Variants in CTU2 observed in about 807,000 individuals in gnomAD.
CTU2 encodes the protein cytosolic thiouridylase subunit 2, also known as cytoplasmic tRNA 2-thiolation protein 2.
CTU2 carries 80 observed loss-of-function variants against 64.1 expected under a neutral mutation model. The observed-to-expected ratio is 1.25, with a 90% CI of 1.04 to 1.50. The LOEUF (loss-of-function observed/expected upper bound fraction) is 1.50. CTU2 is among the 40% of genes most tolerant of loss of function. The pLI is 0.00. For synonymous variants in CTU2, 482 were observed against 285.3 expected, an observed-to-expected ratio of 1.69 and a Z score of -6.95; for missense variants, 1,110 against 690.2, an observed-to-expected ratio of 1.61 and a Z score of -6.81.
chr16:88,712,491 G>T (rs745665286), intron 6 of CTU2, 108 bp downstream of exon 6: 118 of 1,444,676 alleles, frequency 8.2e-5, no homozygotes, highest in Non-Finnish European at 1.1e-4. Flanking sequence ...CGGGGCTGTC[G>T]GTGGGGGGTG....
chr16:88,713,626 C>T (rs757210910), intron 8 of CTU2, 21 bp from the exon 9 acceptor site: 5 of 1,608,540 alleles, frequency 3.1e-6, no homozygotes, highest in African/African-American at 2.7e-5. Context: ...ACCTGGACCA[C>T]ACAGCCCCTG....
chr16:88,715,376 T>C lies in CTU2; in HGVS notation c.*125T>C. 2 of 1,087,758 alleles carry C rather than the reference T, an allele frequency of 1.8e-6. No homozygotes were observed. Among genetic ancestry groups the C allele is most frequent in the Non-Finnish European group, 2.5e-6 (2 of 789,740 alleles). 67.4% of individuals were successfully genotyped at this position (1,087,758 alleles called of 1,614,324 possible). Reference sequence around the variant, plus strand: ...TTGTATAAATAAAACATTTTTTAATTAAAAAAAAAACTCTACAGTACACGT... The same window carrying C: ...TTGTATAAATAAAACATTTTTTAATCAAAAAAAAAACTCTACAGTACACGT... On this transcript the variant is annotated 3_prime_UTR_variant, in exon 15 of 15. Transcript: ENST00000453996.
intron 1 of CTU2, chr16:88,706,882 C>T: frequency 3.6e-6 from 2 of 559,098 alleles, no homozygotes; most frequent in Non-Finnish European, 6.4e-6. Flanking sequence ...CTCGCCTCCC[C>T]GTGTCAGCCT....
rs750509537 is a variant in CTU2 at position 88,712,856 on chromosome 16, T to C, written c.688T>C (p.Cys230Arg). The C allele has an allele frequency of 6.4e-7, 1 of 1,566,108 alleles. No homozygotes were observed. Among genetic ancestry groups the C allele is most frequent in the African/African-American group, 1.4e-5 (1 of 73,456 alleles). The change falls in exon 7 of 15, where the codon TGC becomes CGC. Residue 230 changes from cysteine to arginine, a missense_variant. Cys to Arg is a radical substitution (Grantham distance 180, BLOSUM62 -3). Coordinates refer to ENST00000453996, the MANE Select transcript of CTU2 (RefSeq NM_001012759.3). Reference sequence around the variant, plus strand: ...GACTGAGGCTCTTTCCCAACTGTTCTGCTCAGTGAGGACACTGACTGCCAA... The same window carrying C: ...GACTGAGGCTCTTTCCCAACTGTTCCGCTCAGTGAGGACACTGACTGCCAA... ...AQTEALSQLF[C>R]SVRTLTAKEE...
At chr16:88,709,824 ATGC>A (rs1911171734) in intron 2 of CTU2, 111 bp from the exon 3 acceptor site, 1 of 890,042 alleles carries the variant, frequency 1.1e-6, no homozygotes, top group Non-Finnish European at 1.8e-6. Context: ...GGATGTGAAG[ATGC>A]TGCTTTTAAA....
In CTU2 at chr16:88,713,759, C is replaced by A. The variant is rs184374781; in HGVS notation, c.986C>A (p.Thr329Lys). 1 of 1,612,716 alleles carries A rather than the reference C, an allele frequency of 6.2e-7. No individual in the cohort carries two copies. The change falls in exon 9 of 15, where the codon ACA becomes AAA. Residue 329 changes from threonine to lysine, a missense_variant. Transcript: ENST00000453996. The part of the protein sequence containing the change: ...NRLFSVPSVF[T>K]PAVDTKAPEK... ...CTGTTCTCCGTTCCTTCTGTCTTCA[C>A]ACCAGCCGTCGACACCAAGGTGGGC... is the stretch of plus-strand genomic sequence containing the variant.
intron 2 of CTU2, 30 bp downstream of exon 2, chr16:88,707,240 C>T: frequency 6.2e-7 from 1 of 1,601,130 alleles, no homozygotes; most frequent in Non-Finnish European, 8.6e-7. Flanking sequence ...GAGACCCTGG[C>T]AAACATGGCC....
chr16:88,713,528 C>T (rs995066954), intron 8 of CTU2, 81 bp downstream of exon 8: 15 of 1,487,046 alleles, frequency 1.0e-5, no homozygotes, highest in East Asian at 2.4e-5. Flanking sequence ...TAGCCTCTCG[C>T]GTATCAGTCC....
rs1469315622 is a variant in CTU2 at position 88,707,077 on chromosome 16, C to CCTTTGGGG, written c.69-59_69-58insCTTTGGGG. 53 of 1,559,322 alleles carry CCTTTGGGG rather than the reference C, an allele frequency of 3.4e-5. No individual in the cohort carries two copies. In the African/African-American group the frequency reaches 3.5e-4, roughly 10 times the overall value. On this transcript the variant is annotated intron_variant, in intron 1 of 14. Transcript: ENST00000453996. ...ACAGGAGCTGTCTCCCCAAAGCCCACTAGGCGTGGGGAAGATGTGATCTGT... is the reference window on the plus strand; with the variant it reads ...ACAGGAGCTGTCTCCCCAAAGCCCACCTTTGGGGTAGGCGTGGGGAAGATGTGATCTGT...
Position 88,713,457 on chromosome 16 carries a change from G to A in CTU2, c.873+10G>A, listed in dbSNP as rs4782320. 0.13 allele frequency: 197,443 copies of A among 1,569,188 alleles called. 14,222 individuals carry two copies. The highest frequency in any genetic ancestry group is 0.15 in the Non-Finnish European group (171,565 of 1,163,938). On this transcript the variant is annotated intron_variant, in intron 8 of 14. Coordinates refer to ENST00000453996, the MANE Select transcript of CTU2 (RefSeq NM_001012759.3). ...CCTGGCCTGGGATACGGTAGGCAGG[G>A]GCCTGGGTGTTCAGGAGGCCCATCC... is the stretch of plus-strand genomic sequence containing the variant.
chr16:88,713,663 G>A lies in CTU2; in HGVS notation c.890G>A (p.Arg297Gln), dbSNP rs964376019. ...CTCCCGCAGGGCTTCTCGGATGAGC[G>A]GCACGGGGACGTGGTGGTGGTGCGG... The part of the protein sequence containing the change: ...LAWDTGFSDE[R>Q]HGDVVVVRPM... Residue 297 changes from arginine to glutamine, a missense_variant, in exon 9 of 15, where the codon CGG (arginine) becomes CAG (glutamine). Physicochemically the swap from Arg to Gln is conservative, Grantham distance 43 (BLOSUM62 1). Transcript: ENST00000453996. 18 of 1,612,400 alleles carry A rather than the reference G, an allele frequency of 1.1e-5. No homozygotes were observed. Among genetic ancestry groups the A allele is most frequent in the East Asian group, 2.2e-5 (1 of 44,862 alleles).
At chr16:88,711,193 C>G (rs1043104791) in intron 4 of CTU2, among the ~76,000 whole-genome samples, 2 of 152,136 alleles carry the variant, frequency 1.3e-5, no homozygotes, top group African/African-American at 2.4e-5. Context: ...GGGAACTGGC[C>G]CAGCCCTCTG....
intron 2 of CTU2, among the ~76,000 whole-genome samples, chr16:88,707,655 C>T (rs929778069): frequency 3.3e-5 from 5 of 152,108 alleles, no homozygotes; most frequent in East Asian, 1.9e-4. Flanking sequence ...CTCTAGCTTT[C>T]CCCCAGGCGC....
At position 88,714,751 on chromosome 16, in the gene CTU2, C is replaced by T. The variant is rs765187930; in HGVS notation, c.1352+14C>T. 3 of 1,605,592 alleles carry T rather than the reference C, an allele frequency of 1.9e-6. No homozygotes were observed. Among genetic ancestry groups the T allele is most frequent in the Non-Finnish European group, 2.6e-6 (3 of 1,175,568 alleles). Reference sequence around the variant, plus strand: ...GGCCTGCAGGAGGTGAGTCCCTGTCCCTGCCACCCATGGCCAGCTGCATGG... The same window carrying T: ...GGCCTGCAGGAGGTGAGTCCCTGTCTCTGCCACCCATGGCCAGCTGCATGG... On this transcript the variant is annotated intron_variant, in intron 12 of 14. Transcript: ENST00000453996.
At position 88,712,359 on chromosome 16, in the gene CTU2, A is replaced by G. The variant is rs1434737269; in HGVS notation, c.429A>G (p.Pro143=). 4 of 1,609,958 alleles carry G rather than the reference A, an allele frequency of 2.5e-6. No homozygotes were observed. Among genetic ancestry groups the G allele is most frequent in the South Asian group, 1.1e-5 (1 of 90,236 alleles). The part of the protein sequence containing the change: ...VKPILQATGF[P]WHVVALEEVF... The stretch of plus-strand genomic sequence containing the variant: ...CCATTCTGCAAGCAACTGGGTTCCC[A>G]TGGCATGTGGTGGCCTTAGAGGAGG... Residue 143 remains proline, a synonymous_variant, in exon 6 of 15, where the codon CCA becomes CCG. Transcript: ENST00000453996.
chr16:88,712,163 A>G (rs201667143), intron 5 of CTU2, 111 bp from the exon 6 acceptor site: 1 of 917,480 alleles, frequency 1.1e-6, no homozygotes. Context: ...GCCAGGAAGC[A>G]CCGCCCTGCG....
In CTU2 at chr16:88,712,723, G is replaced by A; in HGVS notation, c.555G>A (p.Gln185=). ...CCGTGGACAGCTTCCTCCAGCAGCA[G>A]CATGTGCTGGGGGCCGGGGGTGGTC... ...KAAVDSFLQQ[Q]HVLGAGGGPG... is the part of the protein sequence containing the mutation. The change falls in exon 7 of 15, where the codon CAG becomes CAA. Residue 185 remains glutamine (Q), a synonymous_variant. Coordinates refer to ENST00000453996, the MANE Select transcript of CTU2 (RefSeq NM_001012759.3). 1 of 1,609,738 alleles carries A rather than the reference G, an allele frequency of 6.2e-7. No individual in the cohort carries two copies. The highest frequency in any genetic ancestry group is 1.1e-5 in the South Asian group (1 of 90,866).
chr16:88,715,021 GC>G (rs1911828987), intron 13 of CTU2, 26 bp from the exon 14 acceptor site: 1 of 1,581,266 alleles, frequency 6.3e-7, no homozygotes, highest in East Asian at 2.3e-5. Flanking sequence ...AGGTTTCTTG[GC>G]CCCTCGACAC....
chr16:88,712,979 C>T (rs1911476552), intron 7 of CTU2, 74 bp downstream of exon 7: 1 of 672,784 alleles, frequency 1.5e-6, no homozygotes, highest in Non-Finnish European at 2.3e-6. Flanking sequence ...TTCCCCGGGC[C>T]CTGACCCCCA....
Sources: allele counts gnomAD v4.1 joint callset (sites outside exome capture counted in the v4.1 genomes callset), GRCh38; gene constraint gnomAD v4.1.1; transcripts MANE v1.5; gene names NCBI Gene and HGNC (gene_info 2026-07-23, HGNC 2026-07-21).